CFAP157: variants seen among roughly 807,000 people sequenced by gnomAD.
The protein encoded by CFAP157 is cilia- and flagella-associated protein 157.
A neutral mutation model predicts 57.8 loss-of-function variants in CFAP157; 43 were observed. The observed-to-expected ratio is 0.74, with a 90% CI of 0.58 to 0.96. The LOEUF is 0.96. CFAP157 is among the 40% of genes least tolerant of loss of function. The probability of loss-of-function intolerance (pLI) is 0.00; values close to 1 mark genes in which losing one functional copy is unlikely to be tolerated. For synonymous variants in CFAP157, 267 were observed against 269.0 expected, an observed-to-expected ratio of 0.99 and a Z score of 0.07; for missense variants, 606 against 655.3, an observed-to-expected ratio of 0.92 and a Z score of 0.82.
At chr9:127,710,816 C>G in intron 3 of CFAP157, 62 bp downstream of exon 3, 5 of 1,528,800 alleles carry the variant, frequency 3.3e-6, no homozygotes, top group Non-Finnish European at 4.4e-6. Flanking sequence ...TACGAACATC[C>G]TAGTCTTCAG....
intron 6 of CFAP157, 96 bp downstream of exon 6, chr9:127,712,445 C>A: frequency 2.0e-6 from 3 of 1,504,352 alleles, no homozygotes; most frequent in Non-Finnish European, 2.7e-6. Flanking sequence ...GGATCAGAGG[C>A]CCCTCTTTTC....
At position 127,714,503 on chromosome 9, in the gene CFAP157, G is replaced by C. The variant is rs933609136; in HGVS notation, c.*598G>C. 1.0e-5 allele frequency: 16 copies of C among 1,601,536 alleles called. No individual in the cohort carries two copies. In the African/African-American group the frequency reaches 1.9e-4, roughly 19 times the overall value. ...ACCCCTCCCTGCCCCGGCTGGGTCAGAGCAGCCCATTTCCTGTGGAGACTG... is the reference window on the plus strand; with the variant it reads ...ACCCCTCCCTGCCCCGGCTGGGTCACAGCAGCCCATTTCCTGTGGAGACTG... On this transcript the variant is annotated 3_prime_UTR_variant, in exon 9 of 9. Transcript: ENST00000373295.
intron 5 of CFAP157, 24 bp downstream of exon 5, chr9:127,711,974 G>A (rs766353053): frequency 6.3e-5 from 101 of 1,593,090 alleles, no homozygotes; most frequent in East Asian, 1.8e-4. Flanking sequence ...ACGGAGGGGC[G>A]GGCGGCGGGT....
At chr9:127,713,766 CA>C (rs1269845290) in intron 8 of CFAP157, 67 bp from the exon 9 acceptor site, 1 of 1,385,028 alleles carries the variant, frequency 7.2e-7, no homozygotes, top group African/African-American at 1.4e-5. Context: ...CTCGGCCTCC[CA>C]AAGTGCTGGG....
chr9:127,707,447 C>G (rs544691399), intron 1 of CFAP157, among the ~76,000 whole-genome samples: 1 of 152,200 alleles, frequency 6.6e-6, no homozygotes, highest in Non-Finnish European at 1.5e-5. Flanking sequence ...GTGGCCCCAC[C>G]CCAGGCAATC....
rs754409036 is a variant in CFAP157 at position 127,712,636 on chromosome 9, G to A, written c.1138-73G>A. ...AAAACTTCGTGGAAATGGGCACTGA[G>A]GTTGGAATTTCCTGGACGAGGGTGG... On this transcript the variant is annotated intron_variant, in intron 6 of 8. Coordinates refer to ENST00000373295, the MANE Select transcript of CFAP157 (RefSeq NM_001012502.3). The A allele has an allele frequency of 5.0e-6, 8 of 1,612,038 alleles. No homozygotes were observed. The South Asian group carries it at 7.7e-5, about 16-fold the overall frequency.
Position 127,711,378 on chromosome 9 carries a change from T to C in CFAP157, c.737T>C (p.Met246Thr). The C allele has an allele frequency of 6.2e-7, 1 of 1,614,208 alleles. No individual in the cohort carries two copies. Among genetic ancestry groups the C allele is most frequent in the South Asian group, 1.1e-5 (1 of 91,090 alleles). ...ATGGCCAGGGTCTCCCAGCAAGGCA[T>C]GAAGCTGCTGCAGGAGAATGAGCAG... ...LQMARVSQQG[M>T]KLLQENEQLK... is the part of the protein sequence containing the mutation. Residue 246 changes from methionine to threonine, a missense_variant, in exon 4 of 9, where the codon ATG becomes ACG. Coordinates refer to ENST00000373295, the MANE Select transcript of CFAP157 (RefSeq NM_001012502.3).
Position 127,715,602 on chromosome 9 carries a change from A to G in CFAP157, c.*1697A>G. ...AACACATCGGCTCATGGCTCTACTC[A>G]GCCGCTGTCCGGCGCCCAAAAAGCC... On this transcript the variant is annotated 3_prime_UTR_variant, in exon 9 of 9. Transcript: ENST00000373295. This position sits in a 1 kb window ranked among gnomAD's most constrained non-coding sequence, Gnocchi z 5.8. 6.2e-7 allele frequency: 1 copy of G among 1,612,968 alleles called. No homozygotes were observed. The highest frequency in any genetic ancestry group is 8.5e-7 in the Non-Finnish European group (1 of 1,179,994).
chr9:127,713,910 C>T lies in CFAP157; in HGVS notation c.*5C>T, dbSNP rs926989419. The T allele has an allele frequency of 3.1e-6, 5 of 1,612,592 alleles. No homozygotes were observed. The highest frequency in any genetic ancestry group is 3.4e-6 in the Non-Finnish European group (4 of 1,178,856). The stretch of plus-strand genomic sequence containing the variant: ...GTTCCCCTACGTCCCAAGTAGGACA[C>T]AGAGAGAAGAACCTACTCCAGAAAT... On this transcript the variant is annotated 3_prime_UTR_variant, in exon 9 of 9. Coordinates refer to ENST00000373295, the MANE Select transcript of CFAP157 (RefSeq NM_001012502.3).
intron 8 of CFAP157, 57 bp downstream of exon 8, chr9:127,713,263 C>T: frequency 7.6e-7 from 1 of 1,308,454 alleles, no homozygotes; most frequent in Non-Finnish European, 1.0e-6. Context: ...TGGGTACAAA[C>T]TGAGGCTCTG....
In CFAP157 at chr9:127,713,957, C is replaced by A; in HGVS notation, c.*52C>A. ...AAATGGACTGGTCCAGTCACAGTCA[C>A]CCCCACTTTAATCCGCAGGCAGCCT... On this transcript the variant is annotated 3_prime_UTR_variant, in exon 9 of 9. Transcript: ENST00000373295. The A allele has an allele frequency of 1.3e-6, 2 of 1,585,624 alleles. No individual in the cohort carries two copies. Among genetic ancestry groups the A allele is most frequent in the African/African-American group, 1.3e-5 (1 of 74,400 alleles).
Position 127,714,665 on chromosome 9 carries a change from C to A in CFAP157, c.*760C>A. On this transcript the variant is annotated 3_prime_UTR_variant, in exon 9 of 9. Coordinates refer to ENST00000373295, the MANE Select transcript of CFAP157 (RefSeq NM_001012502.3). ...GGGGCTTGTCCAGCTCATCATGCAC[C>A]AGGTAGACTTCCTCGGCAGTCAGCC... 6.2e-7 allele frequency: 1 copy of A among 1,613,908 alleles called. No individual in the cohort carries two copies. Among genetic ancestry groups the A allele is most frequent in the Middle Eastern group, 1.6e-4 (1 of 6,062 alleles).
rs753418958 is a variant in CFAP157, at chr9:127,714,669, T to TA, written c.*765dup. The TA allele has an allele frequency of 6.2e-7, 1 of 1,613,578 alleles. No individual in the cohort carries two copies. The highest frequency in any genetic ancestry group is 1.1e-5 in the South Asian group (1 of 90,988). Reference sequence around the variant, plus strand: ...CTTGTCCAGCTCATCATGCACCAGGTAGACTTCCTCGGCAGTCAGCCCAAA... The same window carrying TA: ...CTTGTCCAGCTCATCATGCACCAGGTAAGACTTCCTCGGCAGTCAGCCCAAA... On this transcript the variant is annotated 3_prime_UTR_variant, in exon 9 of 9. Transcript: ENST00000373295.
intron 6 of CFAP157, 54 bp downstream of exon 6, chr9:127,712,403 T>C (rs1842787966): frequency 6.3e-7 from 1 of 1,595,454 alleles, no homozygotes; most frequent in Non-Finnish European, 8.6e-7. Flanking sequence ...GAGCGCAAGA[T>C]GGAAGCTGCT....
chr9:127,708,274 C>T (rs1320184443), intron 1 of CFAP157, among the ~76,000 whole-genome samples: 2 of 152,092 alleles, frequency 1.3e-5, no homozygotes, highest in African/African-American at 4.8e-5. Flanking sequence ...GTCAGGAGTT[C>T]GAGACCAGCC....
intron 5 of CFAP157, 41 bp from the exon 6 acceptor site, chr9:127,712,158 G>A (rs1280463376): frequency 1.2e-6 from 2 of 1,610,060 alleles, no homozygotes; most frequent in Middle Eastern, 1.7e-4. Flanking sequence ...CCAGTCCTGG[G>A]GAAGGGGGAA....
rs187320210 is a variant in CFAP157, at chr9:127,712,831, G to A, written c.1260G>A (p.Ala420=). ...STVATRPQKA[A]CPHQESQSHG... ...TGGCCACGAGACCTCAGAAGGCTGC[G>A]TGTCCCCACCAGGAGTCACAGTCCC... The change falls in exon 7 of 9, where the codon GCG becomes GCA. Residue 420 remains alanine (A), a synonymous_variant. Transcript: ENST00000373295. 3.0e-4 allele frequency: 482 copies of A among 1,613,750 alleles called. No homozygotes were observed. Among genetic ancestry groups the A allele is most frequent in the Non-Finnish European group, 3.3e-4 (388 of 1,179,804 alleles).
chr9:127,715,636 T>A lies in CFAP157; in HGVS notation c.*1731T>A. 1.2e-6 allele frequency: 2 copies of A among 1,611,730 alleles called. No individual in the cohort carries two copies. The highest frequency in any genetic ancestry group is 1.7e-6 in the Non-Finnish European group (2 of 1,179,754). On this transcript the variant is annotated 3_prime_UTR_variant, in exon 9 of 9. Transcript: ENST00000373295. This position sits in a 1 kb window ranked among gnomAD's most constrained non-coding sequence, Gnocchi z 5.8. ...CCGGCGCCCAAAAAGCCGCCCGGCC[T>A]CATGCTGCCCCCATTCACTCCGACA... is the stretch of plus-strand genomic sequence containing the variant.
Position 127,710,765 on chromosome 9 carries a change from G to A in CFAP157, c.587+11G>A, listed in dbSNP as rs76294682. On this transcript the variant is annotated intron_variant, in intron 3 of 8. Coordinates refer to ENST00000373295, the MANE Select transcript of CFAP157 (RefSeq NM_001012502.3). The stretch of plus-strand genomic sequence containing the variant: ...GCTGGACAAGGACAGGTGGGCAAGC[G>A]GGGCACCCTTTGGGGCCTTTGGAGG... 4,081 of 1,559,002 alleles carry A rather than the reference G, an allele frequency of 2.6e-3. 104 individuals are homozygous for A. In the African/African-American group the frequency reaches 0.051, roughly 19 times the overall value.
Sources: allele counts gnomAD v4.1 joint callset (sites outside exome capture counted in the v4.1 genomes callset), GRCh38; gene constraint gnomAD v4.1.1; non-coding constraint Gnocchi (gnomAD v3.1); transcripts MANE v1.5; gene names NCBI Gene and HGNC (gene_info 2026-07-23, HGNC 2026-07-21).